Variants in CACNG5 observed in about 807,000 individuals in gnomAD.
CACNG5 encodes voltage-dependent calcium channel gamma-5 subunit.
A neutral mutation model predicts 24.8 loss-of-function variants in CACNG5; 18 were observed. The observed-to-expected ratio is 0.73, with a 90% confidence interval of 0.50 to 1.08. The LOEUF (loss-of-function observed/expected upper bound fraction) is 1.08. Among genes scored for constraint, CACNG5 ranks in the 50% least tolerant of loss-of-function variants. CACNG5 has a pLI of 0.00. For missense variants in CACNG5, 349 were observed against 367.9 expected, an observed-to-expected ratio of 0.95 and a Z score of 0.42; for synonymous variants, 157 against 149.1, an observed-to-expected ratio of 1.05 and a Z score of -0.39.
At chr17:66,858,249 G>A (rs1395116032) in intron 1 of CACNG5, among the ~76,000 whole-genome samples, 1 of 152,262 alleles carries the variant, frequency 6.6e-6, no homozygotes, top group Non-Finnish European at 1.5e-5. Flanking sequence ...CATCTTCTGA[G>A]GCCCAGTATT....
At chr17:66,846,514 A>G (rs961874311) in intron 1 of CACNG5, among the ~76,000 whole-genome samples, 3 of 152,098 alleles carry the variant, frequency 2.0e-5, no homozygotes, top group African/African-American at 7.2e-5. Flanking sequence ...GGCTTCTTTC[A>G]CTTCACATAA....
chr17:66,878,806 G>C (rs940926591), intron 2 of CACNG5, among the ~76,000 whole-genome samples, 166 bp from the exon 3 acceptor site: 1 of 152,194 alleles, frequency 6.6e-6, no homozygotes, highest in Non-Finnish European at 1.5e-5. Context: ...CCCCTGCTGT[G>C]GGCTATGAGC....
chr17:66,883,778 G>C (rs985091699), intron 4 of CACNG5, among the ~76,000 whole-genome samples: 6 of 152,202 alleles, frequency 3.9e-5, no homozygotes, highest in African/African-American at 1.2e-4. Flanking sequence ...TGCCCATGGG[G>C]CGTATTTTAC....
At chr17:66,855,624 A>G (rs1976765080) in intron 1 of CACNG5, among the ~76,000 whole-genome samples, 1 of 152,128 alleles carries the variant, frequency 6.6e-6, no homozygotes, top group African/African-American at 2.4e-5. Context: ...CCAGAGTTCA[A>G]GTGATTCTCC....
At chr17:66,856,031 C>T (rs1302129276) in intron 1 of CACNG5, among the ~76,000 whole-genome samples, 1 of 152,220 alleles carries the variant, frequency 6.6e-6, no homozygotes, top group African/African-American at 2.4e-5. Flanking sequence ...TCAATGACTA[C>T]ATAATAGTCC....
At chr17:66,843,434 A>G (rs140476737) in intron 1 of CACNG5, among the ~76,000 whole-genome samples, 3 of 152,168 alleles carry the variant, frequency 2.0e-5, no homozygotes, top group Non-Finnish European at 4.4e-5. Flanking sequence ...TATTGAAGTA[A>G]TTTCTGTTTC....
At chr17:66,873,946 T>C (rs1392476052) in intron 1 of CACNG5, among the ~76,000 whole-genome samples, 5 of 152,084 alleles carry the variant, frequency 3.3e-5, no homozygotes, top group Admixed American at 2.6e-4. Context: ...GTTTTTTTTT[T>C]TTTTTTCCTT....
intron 1 of CACNG5, among the ~76,000 whole-genome samples, chr17:66,874,976 G>T (rs75835483): frequency 0.04 from 6,025 of 152,176 alleles, 166 homozygotes; most frequent in East Asian, 0.12. Context: ...AATACTATCA[G>T]TACAACGTCA....
At position 66,887,387 on chromosome 17, in the gene CACNG5, A is replaced by G. The variant is rs976347314; in HGVS notation, c.*2147A>G. On this transcript the variant is annotated 3_prime_UTR_variant, in exon 6 of 6. Transcript: ENST00000533854. ...GTATGTGACTTTTCAATCCTTGCCTATAAACTGATAGCAACTGCAAGGCCC... is the reference window on the plus strand; with the variant it reads ...GTATGTGACTTTTCAATCCTTGCCTGTAAACTGATAGCAACTGCAAGGCCC... Among the ~76,000 whole-genome samples, 2 of 138,072 alleles carry G rather than the reference A, an allele frequency of 1.4e-5. No homozygotes were observed. The highest frequency in any genetic ancestry group is 1.7e-4 in the Admixed American group (2 of 11,528). The allele number at this position is 138,072 out of a possible 152,430, so 90.6% of individuals were successfully genotyped here.
chr17:66,880,439 G>A (rs943063738), intron 3 of CACNG5, 118 bp from the exon 4 acceptor site: 1 of 1,268,582 alleles, frequency 7.9e-7, no homozygotes. Flanking sequence ...GGGAACCCCT[G>A]CAGGGGTGGG....
chr17:66,840,515 A>G, intron 1 of CACNG5, among the ~76,000 whole-genome samples: 1 of 152,178 alleles, frequency 6.6e-6, no homozygotes, highest in East Asian at 1.9e-4. Flanking sequence ...CATTAGCAGG[A>G]TTCTGCAGCC....
chr17:66,884,749 A>G (rs748998393), intron 5 of CACNG5, 88 bp downstream of exon 5: 2 of 1,613,910 alleles, frequency 1.2e-6, no homozygotes, highest in East Asian at 2.2e-5. Flanking sequence ...GAGAAGGGAC[A>G]TTCCACAACC....
At position 66,877,308 on chromosome 17, in the gene CACNG5, A is replaced by G; in HGVS notation, c.-25A>G. 6.2e-7 allele frequency: 1 copy of G among 1,604,022 alleles called. No homozygotes were observed. Among genetic ancestry groups the G allele is most frequent in the Non-Finnish European group, 8.5e-7 (1 of 1,172,554 alleles). Reference sequence around the variant, plus strand: ...CCGTGCTGGTGGGAGCGTGGCGACTAGTTGCACAGCAACGGTCCAGGAAGA... The same window carrying G: ...CCGTGCTGGTGGGAGCGTGGCGACTGGTTGCACAGCAACGGTCCAGGAAGA... On this transcript the variant is annotated 5_prime_UTR_variant, in exon 2 of 6. Coordinates refer to ENST00000533854, the MANE Select transcript of CACNG5 (RefSeq NM_145811.3).
chr17:66,885,325 TGGTTGA>T lies in CACNG5; in HGVS notation c.*86_*91del. 6.8e-7 allele frequency: 1 copy of T among 1,472,850 alleles called. No homozygotes were observed. 91.2% of individuals were successfully genotyped at this position (1,472,850 alleles called of 1,614,324 possible). ...AGGTGACCCCTGAGCCCCAGGCCTG[TGGTTGA>T]CAGGCCCAGGCCACCCATGCTTAGC... On this transcript the variant is annotated 3_prime_UTR_variant, in exon 6 of 6. Coordinates refer to ENST00000533854, the MANE Select transcript of CACNG5 (RefSeq NM_145811.3).
At chr17:66,884,685 G>C (rs759892814) in intron 5 of CACNG5, 24 bp downstream of exon 5, 8 of 1,614,194 alleles carry the variant, frequency 5.0e-6, no homozygotes, top group Non-Finnish European at 6.8e-6. Context: ...CCCTAAGTAT[G>C]GATAGGCTGG....
chr17:66,856,535 G>GC (rs1018181471), intron 1 of CACNG5, among the ~76,000 whole-genome samples: 40 of 121,070 alleles, frequency 3.3e-4, no homozygotes, highest in East Asian at 2.1e-3. Context: ...CCCTCGTGTT[G>GC]CCCCCCCGCC....
intron 1 of CACNG5, among the ~76,000 whole-genome samples, chr17:66,869,668 T>A (rs996388967): frequency 6.6e-6 from 1 of 152,178 alleles, no homozygotes; most frequent in African/African-American, 2.4e-5. Context: ...TCTGTCACTG[T>A]CACGTTCTGG....
chr17:66,868,786 G>T (rs751313365), intron 1 of CACNG5, among the ~76,000 whole-genome samples: 5 of 152,142 alleles, frequency 3.3e-5, no homozygotes, highest in Non-Finnish European at 5.9e-5. Flanking sequence ...ACGCCACTGT[G>T]CCCACCATGA....
intron 1 of CACNG5, among the ~76,000 whole-genome samples, chr17:66,871,849 G>A (rs577194456): frequency 6.6e-6 from 1 of 152,230 alleles, no homozygotes; most frequent in African/African-American, 2.4e-5. Flanking sequence ...GACAGAGCGA[G>A]ACTCCATCTC....
Sources: gnomAD v4.1 joint callset for allele counts (sites outside exome capture counted in the v4.1 genomes callset) on GRCh38, gnomAD v4.1.1 for gene constraint, MANE v1.5 for transcripts, NCBI Gene and HGNC (gene_info 2026-07-23, HGNC 2026-07-21) for gene names.